The following PHF2 variants were observed in gnomAD, a reference collection of about 807,000 sequenced individuals.
The protein encoded by PHF2 is PHD finger protein 2.
Under a neutral mutation model 120.5 loss-of-function variants are expected in PHF2, and 27 were observed. That is an observed-to-expected ratio of 0.22 (90% confidence interval 0.17 to 0.31). The LOEUF (loss-of-function observed/expected upper bound fraction) is 0.31, where lower values mean the gene tolerates loss of function less well. Ranked by LOEUF, PHF2 falls within the 10% of genes least tolerant of loss-of-function variation. PHF2 has a pLI of 1.00. For missense variants in PHF2, 1,024 were observed against 1,434.8 expected (o/e 0.71, Z 4.63); for synonymous variants, 568 against 592.5 (o/e 0.96, Z 0.60).
chr9:93,609,215 ATAT>A (rs1223780304), intron 1 of PHF2, among the ~76,000 whole-genome samples: 19 of 152,014 alleles, frequency 1.2e-4, no homozygotes, highest in African/African-American at 4.6e-4. Context: ...ATACCTTGAA[ATAT>A]TATTGTTATT....
At chr9:93,590,805 ACGT>A (rs1387951697) in intron 1 of PHF2, among the ~76,000 whole-genome samples, 2 of 152,188 alleles carry the variant, frequency 1.3e-5, no homozygotes, top group Admixed American at 1.3e-4. Context: ...GCTGGTCCTC[ACGT>A]CTCCTCAGCC....
rs371120306 is a variant in PHF2, at chr9:93,667,097, C to T, written c.2205C>T (p.Asp735=). The change falls in exon 17 of 22, where the codon GAC becomes GAT. Residue 735 remains aspartate, a synonymous_variant. Transcript: ENST00000359246. The stretch of plus-strand genomic sequence containing the variant: ...CGCAGCAGAGTGATGACTCCTCGGA[C>T]GAGGGTTCGCTGCACATCGACACAG... The part of the protein sequence containing the change: ...SAAYKSDDSS[D]EGSLHIDTDT... 25 of 1,612,890 alleles carry T rather than the reference C, an allele frequency of 1.6e-5. No homozygotes were observed. The highest frequency in any genetic ancestry group is 3.3e-5 in the South Asian group (3 of 91,048).
At chr9:93,595,698 G>A (rs1018804140) in intron 1 of PHF2, among the ~76,000 whole-genome samples, 1 of 152,266 alleles carries the variant, frequency 6.6e-6, no homozygotes, top group African/African-American at 2.4e-5. Flanking sequence ...CTGGGCATAT[G>A]TGTGTATACA....
chr9:93,643,617 T>C (rs1429535325), intron 3 of PHF2, among the ~76,000 whole-genome samples: 1 of 152,202 alleles, frequency 6.6e-6, no homozygotes, highest in African/African-American at 2.4e-5. Flanking sequence ...GGGATGGATT[T>C]CCTCCCACCT....
chr9:93,678,446 C>T lies in PHF2; in HGVS notation c.*770C>T, dbSNP rs1132003. The T allele has an allele frequency of 0.13, 19,312 of 152,640 alleles. 1,379 individuals carry two copies. Among genetic ancestry groups the T allele is most frequent in the Non-Finnish European group, 0.17 (11,410 of 68,050 alleles). The allele number at this position is 152,640 out of a possible 1,614,324, so 9.5% of individuals were successfully genotyped here. A position where few individuals can be genotyped will look rare whatever the true frequency, so the allele number is the denominator to read the frequency against. ...GCAGGGACCGTCTTGCCCTGCTGGC[C>T]ACACTCTGGAGAAGCACTTCTCAGC... On this transcript the variant is annotated 3_prime_UTR_variant, in exon 22 of 22. Coordinates refer to ENST00000359246, the MANE Select transcript of PHF2 (RefSeq NM_005392.4).
At chr9:93,624,681 A>ATGG (rs1434592647) in intron 1 of PHF2, among the ~76,000 whole-genome samples, 4 of 104,496 alleles carry the variant, frequency 3.8e-5, no homozygotes, top group East Asian at 3.1e-4. Flanking sequence ...GGTGATGATG[A>ATGG]TGATGGTGGT....
chr9:93,664,309 A>T (rs1354329778), intron 14 of PHF2, among the ~76,000 whole-genome samples: 1 of 151,928 alleles, frequency 6.6e-6, no homozygotes, highest in Non-Finnish European at 1.5e-5. Flanking sequence ...GGCATGCTGG[A>T]TGAGCCTCGG....
chr9:93,658,349 C>G, intron 10 of PHF2, 113 bp downstream of exon 10: 3 of 848,058 alleles, frequency 3.5e-6, no homozygotes, highest in South Asian at 3.1e-5. Context: ...TGAGATCCAG[C>G]CTGGGAAGGA....
chr9:93,652,918 G>C (rs1301669554), intron 5 of PHF2, among the ~76,000 whole-genome samples: 2 of 152,228 alleles, frequency 1.3e-5, no homozygotes, highest in Admixed American at 1.3e-4. Context: ...CTCAGGGGTA[G>C]ATGGTTTTGG....
Position 93,663,554 on chromosome 9 carries a change from A to C in PHF2, c.1856A>C (p.Glu619Ala). ...KPDSLLKMEE[E>A]QKLEKSPLAG... ...GACTCCTTACTGAAGATGGAAGAGGAGCAGAAGCTAGAGAAGTCGCCTCTA... is the reference window on the plus strand; with the variant it reads ...GACTCCTTACTGAAGATGGAAGAGGCGCAGAAGCTAGAGAAGTCGCCTCTA... The change falls in exon 14 of 22, where the codon GAG becomes GCG. Residue 619 changes from glutamate to alanine, a missense_variant. Around this residue, in one of 2 missense-constraint regions of PHF2, gnomAD observed 677 missense variants for 857.4 expected, o/e 0.79. Transcript: ENST00000359246. The C allele has an allele frequency of 6.2e-7, 1 of 1,613,326 alleles. No individual in the cohort carries two copies. The highest frequency in any genetic ancestry group is 8.5e-7 in the Non-Finnish European group (1 of 1,179,540).
Position 93,654,454 on chromosome 9 carries a change from C to T in PHF2, c.831C>T (p.Asn277=), listed in dbSNP as rs747731443. ...ATCTCATCAGGCCGGCCTCGGCCAACATCTCCCTGTATGAGCGCTGGCGGT... is the reference window on the plus strand; with the variant it reads ...ATCTCATCAGGCCGGCCTCGGCCAATATCTCCCTGTATGAGCGCTGGCGGT... ...TFYLIRPASA[N]ISLYERWRSA... is the part of the protein sequence containing the mutation. The change falls in exon 7 of 22, where the codon AAC becomes AAT. Residue 277 remains asparagine, a synonymous_variant. Coordinates refer to ENST00000359246, the MANE Select transcript of PHF2 (RefSeq NM_005392.4). The T allele has an allele frequency of 6.2e-7, 1 of 1,613,942 alleles. No homozygotes were observed. Among genetic ancestry groups the T allele is most frequent in the South Asian group, 1.1e-5 (1 of 91,086 alleles).
intron 1 of PHF2, among the ~76,000 whole-genome samples, chr9:93,600,338 G>A (rs1039927331): frequency 1.3e-5 from 2 of 152,140 alleles, no homozygotes; most frequent in Non-Finnish European, 2.9e-5. Context: ...GGAAGAGGCA[G>A]CTCCTGGAGG....
chr9:93,625,063 A>G (rs1265581304), intron 1 of PHF2, among the ~76,000 whole-genome samples: 2 of 152,204 alleles, frequency 1.3e-5, no homozygotes, highest in East Asian at 3.8e-4. Context: ...CATTGCCTCT[A>G]TCTAGCTTCA....
At chr9:93,610,199 T>G (rs1825612565) in intron 1 of PHF2, among the ~76,000 whole-genome samples, 1 of 152,200 alleles carries the variant, frequency 6.6e-6, no homozygotes, top group Non-Finnish European at 1.5e-5. Flanking sequence ...CCTCTATTCC[T>G]TTCTCTTTTT....
At chr9:93,673,902 C>T (rs1225021478) in intron 18 of PHF2, 40 bp downstream of exon 18, 2 of 1,516,554 alleles carry the variant, frequency 1.3e-6, no homozygotes, top group Admixed American at 2.0e-5. Flanking sequence ...CCATGCTCAG[C>T]CCTAGAAGGC....
intron 1 of PHF2, among the ~76,000 whole-genome samples, chr9:93,627,342 G>A (rs556683156): frequency 1.8e-4 from 28 of 152,102 alleles, no homozygotes; most frequent in Non-Finnish European, 3.7e-4. Flanking sequence ...TGTTGTTTTT[G>A]CACCTACACC....
At chr9:93,627,746 AT>A (rs1215374968) in intron 1 of PHF2, among the ~76,000 whole-genome samples, 14 of 152,114 alleles carry the variant, frequency 9.2e-5, no homozygotes, top group Non-Finnish European at 1.9e-4. Flanking sequence ...TTCTGTATCA[AT>A]TGAGATGGTC....
chr9:93,636,305 C>A, intron 2 of PHF2, 106 bp from the exon 3 acceptor site: 2 of 784,418 alleles, frequency 2.5e-6, no homozygotes, highest in Non-Finnish European at 2.1e-6. Context: ...CCCAGCAATG[C>A]TGGGAGTTGT....
At chr9:93,665,933 A>T in intron 15 of PHF2, 57 bp from the exon 16 acceptor site, 1 of 1,611,876 alleles carries the variant, frequency 6.2e-7, no homozygotes, top group Non-Finnish European at 8.5e-7. Flanking sequence ...AGGTCTTCCC[A>T]GGGTGGCTGG....
Sources: allele counts gnomAD v4.1 joint callset (sites outside exome capture counted in the v4.1 genomes callset), GRCh38; gene constraint gnomAD v4.1.1; regional missense constraint gnomAD v4.1.1; transcripts MANE v1.5; gene names NCBI Gene and HGNC (gene_info 2026-07-23, HGNC 2026-07-21).